Variants in PRKACB observed in about 807,000 individuals in gnomAD.
PRKACB encodes the protein cAMP-dependent protein kinase catalytic subunit beta.
A neutral mutation model predicts 51.4 loss-of-function variants in PRKACB; 16 were observed. The ratio of observed to expected loss-of-function variants is 0.31; its 90% CI spans 0.21 to 0.47. The LOEUF (loss-of-function observed/expected upper bound fraction) is 0.47, where lower values mean the gene tolerates loss of function less well. Among genes scored for constraint, PRKACB ranks in the 20% least tolerant of loss-of-function variants. The pLI, the probability that PRKACB is intolerant of heterozygous loss-of-function variation, is 1.00. For synonymous variants in PRKACB, 147 were observed against 154.4 expected (o/e 0.95, Z 0.35); for missense variants, 309 against 464.5 (o/e 0.67, Z 3.08).
At chr1:84,145,105 T>C (rs949535981) in intron 1 of PRKACB, among the ~76,000 whole-genome samples, 3 of 152,154 alleles carry the variant, frequency 2.0e-5, no homozygotes, top group African/African-American at 7.2e-5. Context: ...TTTATAATTA[T>C]ATTTTATGTT....
At chr1:84,146,604 G>A (rs1311363682) in intron 1 of PRKACB, among the ~76,000 whole-genome samples, 3 of 151,936 alleles carry the variant, frequency 2.0e-5, no homozygotes, top group Non-Finnish European at 2.9e-5. Flanking sequence ...CATTTGACAA[G>A]GGAATGTAAT....
intron 1 of PRKACB, among the ~76,000 whole-genome samples, chr1:84,094,207 C>T (rs80349301): frequency 0.13 from 19,149 of 151,858 alleles, 1,596 homozygotes; most frequent in Non-Finnish European, 0.19. Context: ...TGGAACCAGG[C>T]AGAAAATTTT....
chr1:84,228,925 ATT>A (rs1675099826), intron 9 of PRKACB, among the ~76,000 whole-genome samples: 1 of 151,482 alleles, frequency 6.6e-6, no homozygotes, highest in Admixed American at 6.6e-5. Flanking sequence ...TATCCCAGAA[ATT>A]TCTTTTTTTT....
intron 1 of PRKACB, chr1:84,173,398 A>G (rs183551740): frequency 6.9e-7 from 1 of 1,443,270 alleles, no homozygotes; most frequent in Admixed American, 2.1e-5. Context: ...TACTTTGATT[A>G]TCGTAAGCTA....
rs1572053748 is a variant in PRKACB, at chr1:84,174,899, A to G, written c.188-4278A>G. ...AAGATAACTTATTTGAATACATACA[A>G]TCAAATAATTGAATTTCTACATTAA... is the stretch of plus-strand genomic sequence containing the variant. On this transcript the variant is annotated intron_variant, in intron 1 of 9. Transcript: ENST00000370685. 7.3e-6 allele frequency: 6 copies of G among 824,018 alleles called. No homozygotes were observed. In the East Asian group the frequency reaches 2.3e-4, roughly 32 times the overall value. The allele number at this position is 824,018 out of a possible 1,614,324, so 51.0% of individuals were successfully genotyped here. A position where few individuals can be genotyped will look rare whatever the true frequency, so the allele number is the denominator to read the frequency against.
chr1:84,157,324 T>G (rs1338697776), intron 1 of PRKACB: 1 of 152,164 alleles, frequency 6.6e-6, no homozygotes, highest in African/African-American at 2.4e-5. Context: ...CTGAAATGAT[T>G]CTTCCCACAG....
chr1:84,220,286 T>C (rs1431213978), intron 9 of PRKACB, among the ~76,000 whole-genome samples: 1 of 152,202 alleles, frequency 6.6e-6, no homozygotes, highest in Non-Finnish European at 1.5e-5. Flanking sequence ...GAAATGTCAC[T>C]GATTTTTTAT....
intron 9 of PRKACB, among the ~76,000 whole-genome samples, chr1:84,234,897 T>C (rs1676488132): frequency 6.6e-6 from 1 of 152,228 alleles, no homozygotes; most frequent in Non-Finnish European, 1.5e-5. Flanking sequence ...CGCTGGGAGC[T>C]GTAGACCGTA....
At chr1:84,102,206 T>TAA (rs879554698) in intron 1 of PRKACB, among the ~76,000 whole-genome samples, 3 of 134,900 alleles carry the variant, frequency 2.2e-5, no homozygotes, top group African/African-American at 5.4e-5. Flanking sequence ...CCATCTCTAC[T>TAA]AAAAAAAAAA....
At chr1:84,222,113 T>C (rs1037207792) in intron 9 of PRKACB, among the ~76,000 whole-genome samples, 2 of 152,144 alleles carry the variant, frequency 1.3e-5, no homozygotes, top group Non-Finnish European at 2.9e-5. Flanking sequence ...GCTCTAGTAT[T>C]GGATGCATAT....
chr1:84,078,337 G>A, exon 1 of PRKACB: 1 of 1,612,214 alleles, frequency 6.2e-7, no homozygotes, highest in Non-Finnish European at 8.5e-7. Context: ...TGGGGAACGC[G>A]GCGACCGCCA....
At chr1:84,140,640 G>A (rs954805226), upstream of PRKACB, among the ~76,000 whole-genome samples, 1 of 152,070 alleles carries the variant, frequency 6.6e-6, no homozygotes, top group Non-Finnish European at 1.5e-5. Flanking sequence ...AAATTTTATG[G>A]CTATAGGTGA....
chr1:84,226,274 G>T (rs1357118), intron 9 of PRKACB, among the ~76,000 whole-genome samples: 1,881 of 18,300 alleles, frequency 0.1, 185 homozygotes, highest in Middle Eastern at 0.75. Flanking sequence ...TGGGTTTTTT[G>T]TTTTTTTTTT....
chr1:84,093,316 T>C (rs1439185673), intron 1 of PRKACB, among the ~76,000 whole-genome samples: 1 of 152,010 alleles, frequency 6.6e-6, no homozygotes, highest in East Asian at 1.9e-4. Flanking sequence ...TGTGTGTGTG[T>C]GGTGAGGTAG....
chr1:84,151,236 A>G (rs1654828016), intron 1 of PRKACB, among the ~76,000 whole-genome samples: 1 of 152,194 alleles, frequency 6.6e-6, no homozygotes, highest in Non-Finnish European at 1.5e-5. Context: ...TCTATAGTCT[A>G]TTCAGTGTGC....
chr1:84,124,109 A>G (rs1041347764), intron 1 of PRKACB, among the ~76,000 whole-genome samples: 6 of 152,180 alleles, frequency 3.9e-5, no homozygotes, highest in Admixed American at 6.5e-5. Flanking sequence ...CAATTTAAAA[A>G]CATTTATTGA....
chr1:84,164,532 A>C, intron 1 of PRKACB: 1 of 1,468,860 alleles, frequency 6.8e-7, no homozygotes, highest in South Asian at 1.3e-5. Context: ...TGTGGCTCTA[A>C]AATAAAAAGG....
chr1:84,137,147 T>A (rs1298931886), intron 1 of PRKACB, among the ~76,000 whole-genome samples: 1 of 152,010 alleles, frequency 6.6e-6, no homozygotes, highest in Middle Eastern at 3.2e-3. Context: ...CTTTATAAAT[T>A]ACCCAGCCTC....
At chr1:84,225,307 G>C (rs974722873) in intron 9 of PRKACB, among the ~76,000 whole-genome samples, 3 of 152,210 alleles carry the variant, frequency 2.0e-5, no homozygotes, top group African/African-American at 7.2e-5. Flanking sequence ...TGGGGGCTGG[G>C]CATTGCTATC....
Sources: gnomAD v4.1 joint callset for allele counts (sites outside exome capture counted in the v4.1 genomes callset) on GRCh38, gnomAD v4.1.1 for gene constraint, MANE v1.5 for transcripts, NCBI Gene and HGNC (gene_info 2026-07-23, HGNC 2026-07-21) for gene names.